Variants in P2RY14 observed in about 807,000 individuals in gnomAD.
The protein encoded by P2RY14 is P2Y purinoceptor 14.
P2RY14 carries 2 observed loss-of-function variants against 0.9 expected under a neutral mutation model. The ratio of observed to expected loss-of-function variants is 2.16; its 90% CI spans 0.88 to 6.79. P2RY14 has a LOEUF of 6.79. Ranked by LOEUF, P2RY14 falls within the 30% of genes most tolerant of loss-of-function variation. The probability of loss-of-function intolerance (pLI) is 0.05; values close to 1 mark genes in which losing one functional copy is unlikely to be tolerated. For missense variants in P2RY14, 378 were observed against 400.1 expected (o/e 0.94, Z 0.47); for synonymous variants, 158 against 147.2 (o/e 1.07, Z -0.53).
intron 2 of P2RY14, among the ~76,000 whole-genome samples, chr3:151,217,220 T>A (rs1465848079): frequency 6.6e-6 from 1 of 152,176 alleles, no homozygotes; most frequent in African/African-American, 2.4e-5. Context: ...AAATAGTGAA[T>A]CCCAGAAATG....
chr3:151,232,119 A>T (rs1004082073), intron 1 of P2RY14, among the ~76,000 whole-genome samples: 7 of 151,898 alleles, frequency 4.6e-5, no homozygotes, highest in Admixed American at 6.6e-5. Context: ...TTTCCTTCTT[A>T]CTTTCCTGTG....
At chr3:151,234,897 A>AC (rs1367314678) in intron 1 of P2RY14, among the ~76,000 whole-genome samples, 1 of 152,152 alleles carries the variant, frequency 6.6e-6, no homozygotes, top group Non-Finnish European at 1.5e-5. Flanking sequence ...TGACTCTTTT[A>AC]CCTATAATAA....
intron 1 of P2RY14, among the ~76,000 whole-genome samples, chr3:151,246,525 A>T (rs1355034650): frequency 6.6e-6 from 1 of 152,184 alleles, no homozygotes; most frequent in African/African-American, 2.4e-5. Flanking sequence ...TGGGGAAAGG[A>T]TTCCCTATTT....
In P2RY14 at chr3:151,253,246, C is replaced by T. The variant is rs1404470081; in HGVS notation, c.-133+25041G>A. 2.0e-5 allele frequency among the ~76,000 whole-genome samples: 3 copies of T among 152,228 alleles called. No individual in the cohort carries two copies. In the East Asian group the frequency reaches 5.8e-4, roughly 29 times the overall value. On this transcript the variant is annotated intron_variant, in intron 1 of 2. Coordinates refer to ENST00000309170, the MANE Select transcript of P2RY14 (RefSeq NM_014879.4). ...AGCCAACAAATATGGAGAGTATATT[C>T]CTATAAATGAGTTAATTGAGAGGCA...
intron 1 of P2RY14, among the ~76,000 whole-genome samples, chr3:151,240,502 A>AT (rs1156423057): frequency 2.0e-5 from 3 of 152,208 alleles, no homozygotes; most frequent in Admixed American, 1.3e-4. Flanking sequence ...CTGTTTTAAA[A>AT]TTTATTTAAT....
chr3:151,224,189 G>A (rs1010833467), intron 1 of P2RY14, among the ~76,000 whole-genome samples: 1 of 152,110 alleles, frequency 6.6e-6, no homozygotes, highest in Non-Finnish European at 1.5e-5. Context: ...CTTATGACGT[G>A]CATTTTTCTT....
chr3:151,260,302 A>T (rs1321017359), intron 1 of P2RY14, among the ~76,000 whole-genome samples: 1 of 152,038 alleles, frequency 6.6e-6, no homozygotes, highest in Non-Finnish European at 1.5e-5. Context: ...TTAACCTCTC[A>T]TTTCCTTCTT....
rs1376471701 is a variant in P2RY14, at chr3:151,244,236, G to A, written c.-132-24594C>T. 9.6e-5 allele frequency among the ~76,000 whole-genome samples: 13 copies of A among 134,948 alleles called. No individual in the cohort carries two copies. The East Asian group carries it at 2.5e-3, about 26-fold the overall frequency. 88.5% of individuals were successfully genotyped at this position (134,948 alleles called of 152,430 possible). ...GACAGAAAGTCAACAAGGATACCCAGGAATTGAACTCAGCTCTGCACCAAG... is the reference window on the plus strand; with the variant it reads ...GACAGAAAGTCAACAAGGATACCCAAGAATTGAACTCAGCTCTGCACCAAG... On this transcript the variant is annotated intron_variant, in intron 1 of 2. Transcript: ENST00000309170.
chr3:151,276,944 T>C (rs963318441), intron 1 of P2RY14, among the ~76,000 whole-genome samples: 1 of 152,212 alleles, frequency 6.6e-6, no homozygotes, highest in African/African-American at 2.4e-5. Context: ...TCGCCCAGAC[T>C]GGAGTGCAGT....
At chr3:151,236,160 A>G (rs1181790760) in intron 1 of P2RY14, among the ~76,000 whole-genome samples, 1 of 152,214 alleles carries the variant, frequency 6.6e-6, no homozygotes, top group Admixed American at 6.5e-5. Context: ...AGCTTGCTCT[A>G]CAGTTAGAAG....
At chr3:151,249,831 C>A (rs938426528) in intron 1 of P2RY14, among the ~76,000 whole-genome samples, 2 of 152,112 alleles carry the variant, frequency 1.3e-5, no homozygotes, top group Non-Finnish European at 2.9e-5. Context: ...TGGATTAATA[C>A]AGTCATAATA....
chr3:151,247,868 C>T (rs1252441677), intron 1 of P2RY14, among the ~76,000 whole-genome samples: 4 of 151,464 alleles, frequency 2.6e-5, no homozygotes, highest in Admixed American at 2.6e-4. Context: ...AAAGCTCTGC[C>T]TTCCCTTAGT....
chr3:151,277,377 T>G (rs1742062813), intron 1 of P2RY14, among the ~76,000 whole-genome samples: 1 of 152,238 alleles, frequency 6.6e-6, no homozygotes, highest in African/African-American at 2.4e-5. Flanking sequence ...ATTTTGGTAT[T>G]TTCCGAGTGC....
chr3:151,255,975 T>G (rs1339259748), intron 1 of P2RY14, among the ~76,000 whole-genome samples: 1 of 152,212 alleles, frequency 6.6e-6, no homozygotes, highest in Non-Finnish European at 1.5e-5. Context: ...AATGCCTAGC[T>G]CTAAGGTCAG....
At chr3:151,278,024 C>T (rs762902856) in intron 1 of P2RY14, among the ~76,000 whole-genome samples, 4 of 152,136 alleles carry the variant, frequency 2.6e-5, no homozygotes, top group Non-Finnish European at 5.9e-5. Flanking sequence ...ATCTCTTCAT[C>T]ACAGATATAT....
intron 1 of P2RY14, among the ~76,000 whole-genome samples, chr3:151,244,877 C>G (rs1368377516): frequency 6.6e-6 from 1 of 151,530 alleles, no homozygotes; most frequent in African/African-American, 2.4e-5. Context: ...GCTAGCAAGA[C>G]TAATAAAGAA....
At chr3:151,245,666 C>T in intron 1 of P2RY14, among the ~76,000 whole-genome samples, 1 of 132,780 alleles carries the variant, frequency 7.5e-6, no homozygotes, top group Non-Finnish European at 1.6e-5. Context: ...CAATATCATA[C>T]TGAATGGGCA....
intron 1 of P2RY14, among the ~76,000 whole-genome samples, chr3:151,243,161 G>T (rs1031453296): frequency 9.2e-5 from 14 of 152,150 alleles, no homozygotes; most frequent in East Asian, 1.9e-4. Flanking sequence ...GAAAGTGATG[G>T]GGAGAATGGA....
chr3:151,251,329 A>G (rs372598378), intron 1 of P2RY14, among the ~76,000 whole-genome samples: 6 of 152,118 alleles, frequency 3.9e-5, no homozygotes, highest in African/African-American at 9.7e-5. Flanking sequence ...GCTGTCAACA[A>G]TTAAACACTC....
Sources: allele counts gnomAD v4.1 joint callset (sites outside exome capture counted in the v4.1 genomes callset), GRCh38; gene constraint gnomAD v4.1.1; transcripts MANE v1.5; gene names NCBI Gene and HGNC (gene_info 2026-07-23, HGNC 2026-07-21).